Variants in CACNG2 observed in about 807,000 individuals in gnomAD.
CACNG2 encodes voltage-dependent calcium channel gamma-2 subunit.
In CACNG2, 3 loss-of-function variants were observed where a neutral mutation model predicts 25.9. The ratio of observed to expected loss-of-function variants is 0.12; its 90% confidence interval spans 0.05 to 0.30. The LOEUF is 0.30. Among genes scored for constraint, CACNG2 ranks in the 10% least tolerant of loss-of-function variants. The pLI is 1.00. For synonymous variants in CACNG2, 167 were observed against 173.3 expected, an observed-to-expected ratio of 0.96 and a Z score of 0.29; for missense variants, 341 against 432.5, an observed-to-expected ratio of 0.79 and a Z score of 1.88.
intron 1 of CACNG2, among the ~76,000 whole-genome samples, chr22:36,630,746 G>A (rs1936255341): frequency 6.6e-6 from 1 of 152,192 alleles, no homozygotes. Flanking sequence ...GAGATGAAAT[G>A]AATTAAGATG....
At chr22:36,611,072 G>A (rs1459286880) in intron 1 of CACNG2, among the ~76,000 whole-genome samples, 1 of 152,222 alleles carries the variant, frequency 6.6e-6, no homozygotes, top group Non-Finnish European at 1.5e-5. Flanking sequence ...TTGATATGAT[G>A]TCGGAACTTA....
At chr22:36,597,069 C>T (rs997563499) in intron 1 of CACNG2, among the ~76,000 whole-genome samples, 4 of 152,182 alleles carry the variant, frequency 2.6e-5, no homozygotes, top group African/African-American at 9.7e-5. Context: ...GTTGCTCAGG[C>T]AGGAGTGCAA....
chr22:36,584,277 C>G (rs1377266251), intron 2 of CACNG2, among the ~76,000 whole-genome samples: 1 of 152,204 alleles, frequency 6.6e-6, no homozygotes, highest in African/African-American at 2.4e-5. Flanking sequence ...CATGGTGAAA[C>G]CCCATCTTTA....
At chr22:36,618,324 A>G (rs2145946922) in intron 1 of CACNG2, among the ~76,000 whole-genome samples, 1 of 152,304 alleles carries the variant, frequency 6.6e-6, no homozygotes, top group East Asian at 1.9e-4. Flanking sequence ...CCTCTGTCAC[A>G]TCCCAGGCTG....
chr22:36,625,125 G>T (rs1239915664), intron 1 of CACNG2, among the ~76,000 whole-genome samples: 1 of 151,926 alleles, frequency 6.6e-6, no homozygotes, highest in Non-Finnish European at 1.5e-5. Flanking sequence ...TGTCAATAAG[G>T]CATCTCTGAG....
rs11704051 is a variant in CACNG2 at position 36,606,017 on chromosome 22, G to A, written c.212-18469C>T. ...GGTGTGGTGGCTGTGCCTCTCGCAG[G>A]AGAGCGTGGGTCTGAGTTCTCTTTC... On this transcript the variant is annotated intron_variant, in intron 1 of 3. Transcript: ENST00000300105. This position sits in a 1 kb window ranked among gnomAD's most constrained non-coding sequence, Gnocchi z 5.7. Among the ~76,000 whole-genome samples, 1,793 of 152,338 alleles carry A rather than the reference G, an allele frequency of 0.012. 19 individuals are homozygous for A. Among genetic ancestry groups the A allele is most frequent in the Middle Eastern group, 0.024 (7 of 294 alleles).
In CACNG2 at chr22:36,568,666, A is replaced by G. The variant is rs538222669; in HGVS notation, c.296-2173T>C. On this transcript the variant is annotated intron_variant, in intron 2 of 3. Coordinates refer to ENST00000300105, the MANE Select transcript of CACNG2 (RefSeq NM_006078.5). ...GTGATCTGCCCGCCTCGGCCTCCCAAAGTGCTGGGATTACAGGCGTTAAAA... is the reference window on the plus strand; with the variant it reads ...GTGATCTGCCCGCCTCGGCCTCCCAGAGTGCTGGGATTACAGGCGTTAAAA... Among the ~76,000 whole-genome samples the G allele has an allele frequency of 1.4e-4, 21 of 152,162 alleles. 1 individual carries two copies. The highest frequency in any genetic ancestry group is 1.1e-3 in the Admixed American group (17 of 15,290).
At chr22:36,694,144 C>A (rs1937302734) in intron 1 of CACNG2, among the ~76,000 whole-genome samples, 1 of 152,220 alleles carries the variant, frequency 6.6e-6, no homozygotes, top group East Asian at 1.9e-4. Flanking sequence ...TCTTAGCACC[C>A]TGCCTACGTT....
At chr22:36,590,665 CCTT>C (rs1282725318) in intron 1 of CACNG2, among the ~76,000 whole-genome samples, 1 of 152,196 alleles carries the variant, frequency 6.6e-6, no homozygotes, top group Admixed American at 6.5e-5. Flanking sequence ...CCACTCTTAT[CCTT>C]CTCTACAGAG....
At chr22:36,671,784 G>C (rs1007698136) in intron 1 of CACNG2, among the ~76,000 whole-genome samples, 1 of 152,120 alleles carries the variant, frequency 6.6e-6, no homozygotes, top group Non-Finnish European at 1.5e-5. Flanking sequence ...CTGCCTCCTC[G>C]ATCTCTGTGG....
intron 1 of CACNG2, among the ~76,000 whole-genome samples, chr22:36,668,528 G>T (rs962757230): frequency 6.6e-6 from 1 of 150,762 alleles, no homozygotes; most frequent in Non-Finnish European, 1.5e-5. Context: ...TTGCTCTGTT[G>T]CCCAGGCTGG....
chr22:36,576,761 A>T (rs1175832828), intron 2 of CACNG2, among the ~76,000 whole-genome samples: 3 of 152,140 alleles, frequency 2.0e-5, no homozygotes, highest in African/African-American at 7.2e-5. Context: ...CTGGCTCTGT[A>T]GCCTCTGTGC....
chr22:36,676,851 G>C (rs775457943), intron 1 of CACNG2, among the ~76,000 whole-genome samples: 1 of 152,022 alleles, frequency 6.6e-6, no homozygotes, highest in Non-Finnish European at 1.5e-5. Flanking sequence ...CAGCCTCAGC[G>C]AATGCCCTGG....
chr22:36,617,972 G>A (rs1965010420), intron 1 of CACNG2, among the ~76,000 whole-genome samples: 2 of 152,054 alleles, frequency 1.3e-5, no homozygotes, highest in Non-Finnish European at 1.5e-5. Flanking sequence ...TATTTACCTG[G>A]CCATGGCAGC....
chr22:36,584,763 A>G (rs904745560), intron 2 of CACNG2: 6 of 152,280 alleles, frequency 3.9e-5, no homozygotes, highest in African/African-American at 1.2e-4. Context: ...AGCATGCAGC[A>G]TAAACATTAG....
At chr22:36,568,319 TG>T (rs199651969) in intron 2 of CACNG2, among the ~76,000 whole-genome samples, 1,596 of 152,170 alleles carry the variant, frequency 0.01, 29 homozygotes, top group African/African-American at 0.037. Flanking sequence ...CCCTTTTGGG[TG>T]GGAGTGTGTT....
intron 1 of CACNG2, among the ~76,000 whole-genome samples, chr22:36,650,842 A>C (rs1235330407): frequency 6.6e-6 from 1 of 152,176 alleles, no homozygotes; most frequent in Admixed American, 6.5e-5. Context: ...GTAAAACACC[A>C]CAGGCACACT....
chr22:36,639,721 A>G (rs1248068378), intron 1 of CACNG2, among the ~76,000 whole-genome samples: 1 of 152,148 alleles, frequency 6.6e-6, no homozygotes, highest in Non-Finnish European at 1.5e-5. Context: ...TGAAATTGGG[A>G]GTTGGCAGCT....
At chr22:36,579,949 T>G (rs185659283) in intron 2 of CACNG2, among the ~76,000 whole-genome samples, 1 of 152,338 alleles carries the variant, frequency 6.6e-6, no homozygotes, top group Non-Finnish European at 1.5e-5. Flanking sequence ...TTCTTTGCGC[T>G]CATCGCTATG....
Sources: gnomAD v4.1 joint callset for allele counts (sites outside exome capture counted in the v4.1 genomes callset) on GRCh38, gnomAD v4.1.1 for gene constraint, Gnocchi (gnomAD v3.1) non-coding constraint, MANE v1.5 for transcripts, NCBI Gene and HGNC (gene_info 2026-07-23, HGNC 2026-07-21) for gene names.